Variants in HTRA3 observed in about 807,000 individuals in gnomAD.
The protein encoded by HTRA3 is HtrA serine peptidase 3.
A neutral mutation model predicts 43.2 loss-of-function variants in HTRA3; 41 were observed. The observed-to-expected ratio is 0.95, with a 90% confidence interval of 0.74 to 1.23. The LOEUF is 1.23. Among genes scored for constraint, HTRA3 ranks in the 50% most tolerant of loss-of-function variants. HTRA3 has a pLI of 0.00. For synonymous variants in HTRA3, 295 were observed against 287.9 expected, an observed-to-expected ratio of 1.02 and a Z score of -0.25; for missense variants, 628 against 647.1, an observed-to-expected ratio of 0.97 and a Z score of 0.32.
At position 8,295,992 on chromosome 4, in the gene HTRA3, A is replaced by G. The variant is rs1713440519; in HGVS notation, c.1051+1791A>G. 3 of 1,193,254 alleles carry G rather than the reference A, an allele frequency of 2.5e-6. No homozygotes were observed. The highest frequency in any genetic ancestry group is 3.1e-6 in the Non-Finnish European group (3 of 963,430). The allele number at this position is 1,193,254 out of a possible 1,614,324, so 73.9% of individuals were successfully genotyped here. ...TCCTGTTGGCTTCTAGGAAGCTCAG[A>G]GCTAGATTCAGGGGTGCACCCAGAC... On this transcript the variant is annotated intron_variant, in intron 6 of 8. Transcript: ENST00000307358. The surrounding 1 kb of genome is among the most constrained non-coding windows in gnomAD (Gnocchi z 6.9).
chr4:8,270,217 C>CCGCTGGT lies in HTRA3; in HGVS notation c.253_259dup (p.His87LeufsTer61). ...AGTGCGTGCGCGGCCTATGCCGCTG[C>CCGCTGGT]CGCTGGTCGCACGCCGTGTGTGGCA... On this transcript the variant is annotated frameshift_variant, in exon 1 of 9. Coordinates refer to ENST00000307358, the MANE Select transcript of HTRA3 (RefSeq NM_053044.5). LOFTEE classifies it high-confidence loss of function. 2.6e-6 allele frequency: 4 copies of CCGCTGGT among 1,537,286 alleles called. No homozygotes were observed. Among genetic ancestry groups the CCGCTGGT allele is most frequent in the Non-Finnish European group, 3.5e-6 (4 of 1,153,322 alleles).
rs1327862316 is a variant in HTRA3, at chr4:8,297,728, G to C, written c.1051+3527G>C. 6.6e-6 allele frequency among the ~76,000 whole-genome samples: 1 copy of C among 152,092 alleles called. No homozygotes were observed. Among genetic ancestry groups the C allele is most frequent in the Non-Finnish European group, 1.5e-5 (1 of 68,002 alleles). On this transcript the variant is annotated intron_variant, in intron 6 of 8. Transcript: ENST00000307358. The surrounding 1 kb of genome is among the most constrained non-coding windows in gnomAD (Gnocchi z 5.8). ...AGGTGGGCTGTGCAGGTCCTGTCGA[G>C]GATCCCACCCCCTGGATTTAGAAGC...
At chr4:8,278,035 C>T (rs1324415344) in intron 1 of HTRA3, among the ~76,000 whole-genome samples, 1 of 152,224 alleles carries the variant, frequency 6.6e-6, no homozygotes, top group Admixed American at 6.5e-5. Flanking sequence ...AAGCTGGCCA[C>T]TCTGATATTT....
chr4:8,272,968 C>G (rs1054140113), intron 1 of HTRA3, among the ~76,000 whole-genome samples: 1 of 152,212 alleles, frequency 6.6e-6, no homozygotes, highest in South Asian at 2.1e-4. Flanking sequence ...CAGGGCGACA[C>G]GCAGAGTCCA....
chr4:8,299,537 A>C (rs764979505), intron 6 of HTRA3, among the ~76,000 whole-genome samples: 13 of 152,118 alleles, frequency 8.5e-5, no homozygotes, highest in Non-Finnish European at 1.3e-4. Flanking sequence ...AAGAGTGGAC[A>C]TCCTTGTCCC....
rs1034118539 is a variant in HTRA3, at chr4:8,282,124, C to T, written c.386-313C>T. Among the ~76,000 whole-genome samples the T allele has an allele frequency of 6.3e-4, 96 of 152,194 alleles. 2 individuals carry two copies. The highest frequency in any genetic ancestry group is 3.9e-4 in the East Asian group (2 of 5,186). Reference sequence around the variant, plus strand: ...CCTGGCCTCACTCCCGTGTGGCTCACGGCAATATCCTAACCTCTCTCTGAG... The same window carrying T: ...CCTGGCCTCACTCCCGTGTGGCTCATGGCAATATCCTAACCTCTCTCTGAG... On this transcript the variant is annotated intron_variant, in intron 1 of 8. Coordinates refer to ENST00000307358, the MANE Select transcript of HTRA3 (RefSeq NM_053044.5).
At chr4:8,302,391 G>C in intron 6 of HTRA3, 72 bp from the exon 7 acceptor site, 1 of 1,408,292 alleles carries the variant, frequency 7.1e-7, no homozygotes. Flanking sequence ...TCTGTCCTCT[G>C]CCTGTCCCCT....
chr4:8,298,885 G>A (rs1277083968), intron 6 of HTRA3, among the ~76,000 whole-genome samples: 5 of 152,288 alleles, frequency 3.3e-5, no homozygotes, highest in South Asian at 4.1e-4. Context: ...GTGGCCTCAC[G>A]GTAGGTCTAA....
rs1429798007 is a variant in HTRA3, at chr4:8,295,641, C to T, written c.1051+1440C>T. ...CCTGTGCCCACCTCCTGGCCAACGCCCAGGCCTGACTCAGCAACTCACACT... is the reference window on the plus strand; with the variant it reads ...CCTGTGCCCACCTCCTGGCCAACGCTCAGGCCTGACTCAGCAACTCACACT... On this transcript the variant is annotated intron_variant, in intron 6 of 8. Coordinates refer to ENST00000307358, the MANE Select transcript of HTRA3 (RefSeq NM_053044.5). This position sits in a 1 kb window ranked among gnomAD's most constrained non-coding sequence, Gnocchi z 6.9. 3.0e-6 allele frequency: 4 copies of T among 1,340,124 alleles called. No individual in the cohort carries two copies. The highest frequency in any genetic ancestry group is 3.9e-6 in the Non-Finnish European group (4 of 1,037,458). 83.0% of individuals were successfully genotyped at this position (1,340,124 alleles called of 1,614,324 possible). A position where few individuals can be genotyped will look rare whatever the true frequency, so the allele number is the denominator to read the frequency against.
At chr4:8,291,239 T>A in intron 3 of HTRA3, 131 bp from the exon 4 acceptor site, 1 of 782,378 alleles carries the variant, frequency 1.3e-6, no homozygotes, top group Non-Finnish European at 2.2e-6. Context: ...GCCTGAGCCT[T>A]CACAGTCCTG....
In HTRA3 at chr4:8,297,848, T is replaced by C. The variant is rs1172648749; in HGVS notation, c.1051+3647T>C. Among the ~76,000 whole-genome samples the C allele has an allele frequency of 6.6e-6, 1 of 152,120 alleles. No homozygotes were observed. The highest frequency in any genetic ancestry group is 1.9e-4 in the East Asian group (1 of 5,182). On this transcript the variant is annotated intron_variant, in intron 6 of 8. Transcript: ENST00000307358. The surrounding 1 kb of genome is among the most constrained non-coding windows in gnomAD (Gnocchi z 5.8). The stretch of plus-strand genomic sequence containing the variant: ...GCTGCTTGTGGGATGGACCCACCAA[T>C]GTCCACAGGCAGTTCCCACTAAGAG...
Position 8,291,579 on chromosome 4 carries a change from CA to C in HTRA3, c.903+16del. ...CCATCATCAACGTGAGTCCCAGGGACAGGAGGCCGGGGCACCTGCCATCTGT... is the reference window on the plus strand; with the variant it reads ...CCATCATCAACGTGAGTCCCAGGGACGGAGGCCGGGGCACCTGCCATCTGT... On this transcript the variant is annotated intron_variant, in intron 4 of 8. Transcript: ENST00000307358. 1 of 1,541,946 alleles carries C rather than the reference CA, an allele frequency of 6.5e-7. No individual in the cohort carries two copies. Among genetic ancestry groups the C allele is most frequent in the South Asian group, 1.2e-5 (1 of 81,818 alleles).
At chr4:8,301,090 A>G (rs976384993) in intron 6 of HTRA3, among the ~76,000 whole-genome samples, 2 of 149,806 alleles carry the variant, frequency 1.3e-5, no homozygotes, top group African/African-American at 4.9e-5. Flanking sequence ...ATTCACACCC[A>G]TCTTTATTAT....
intron 1 of HTRA3, among the ~76,000 whole-genome samples, chr4:8,281,395 C>T (rs570957517): frequency 5.3e-5 from 8 of 152,302 alleles, no homozygotes; most frequent in East Asian, 1.9e-4. Flanking sequence ...GGTAGCCCCC[C>T]GGGCAGGGAC....
chr4:8,270,563 A>T (rs555496977), intron 1 of HTRA3, among the ~76,000 whole-genome samples: 2 of 152,190 alleles, frequency 1.3e-5, no homozygotes, highest in African/African-American at 4.8e-5. Flanking sequence ...AATTAGAGTC[A>T]AAAGGGAAAC....
chr4:8,290,089 G>A (rs901975884), intron 3 of HTRA3, among the ~76,000 whole-genome samples: 2 of 152,192 alleles, frequency 1.3e-5, no homozygotes, highest in Non-Finnish European at 1.5e-5. Flanking sequence ...TCATCTCTCC[G>A]GGCCCTCACC....
At chr4:8,292,605 G>A (rs1174037826) in intron 5 of HTRA3, among the ~76,000 whole-genome samples, 1 of 152,230 alleles carries the variant, frequency 6.6e-6, no homozygotes, top group Non-Finnish European at 1.5e-5. Context: ...CCATGTGCCT[G>A]TCAGGGGAGC....
Position 8,294,202 on chromosome 4 carries a change from G to A in HTRA3, c.1051+1G>A. 2 of 1,604,908 alleles carry A rather than the reference G, an allele frequency of 1.2e-6. No individual in the cohort carries two copies. The highest frequency in any genetic ancestry group is 2.2e-5 in the East Asian group (1 of 44,638). On this transcript the variant is annotated splice_donor_variant, in intron 6 of 8. Transcript: ENST00000307358. LOFTEE classifies it high-confidence loss of function. Reference sequence around the variant, plus strand: ...GAGTTCCAAGACAAGCAGATCAAAGGTAAAGAGCTCACCTGGAGGGGGCCA... The same window carrying A: ...GAGTTCCAAGACAAGCAGATCAAAGATAAAGAGCTCACCTGGAGGGGGCCA...
intron 8 of HTRA3, among the ~76,000 whole-genome samples, chr4:8,304,501 G>A (rs549752633): frequency 4.6e-5 from 7 of 152,214 alleles, no homozygotes; most frequent in East Asian, 3.9e-4. Flanking sequence ...CATTTCCTTC[G>A]AGAAGCAGAG....
Sources: allele counts gnomAD v4.1 joint callset (sites outside exome capture counted in the v4.1 genomes callset), GRCh38; gene constraint gnomAD v4.1.1; non-coding constraint Gnocchi (gnomAD v3.1); transcripts MANE v1.5; gene names NCBI Gene and HGNC (gene_info 2026-07-23, HGNC 2026-07-21).